Variants in NAALADL2 observed in about 807,000 individuals in gnomAD.
NAALADL2 encodes inactive N-acetylated-alpha-linked acidic dipeptidase-like protein 2.
NAALADL2 carries 76 observed loss-of-function variants against 87.2 expected under a neutral mutation model. That is an observed-to-expected ratio of 0.87 (90% CI 0.72 to 1.05). The LOEUF is 1.05. Ranked by LOEUF, NAALADL2 falls within the 50% of genes least tolerant of loss-of-function variation. The probability of loss-of-function intolerance (pLI) is 0.00; values close to 1 mark genes in which losing one functional copy is unlikely to be tolerated. For synonymous variants in NAALADL2, 354 were observed against 331.0 expected (o/e 1.07, Z -0.75); for missense variants, 1,089 against 945.8 (o/e 1.15, Z -1.99).
At chr3:175,036,360 T>C (rs1304139030) in intron 1 of NAALADL2, among the ~76,000 whole-genome samples, 1 of 152,110 alleles carries the variant, frequency 6.6e-6, no homozygotes, top group Admixed American at 6.6e-5. Flanking sequence ...GCATGTTTTG[T>C]TTTACAAAAT....
intron 1 of NAALADL2, among the ~76,000 whole-genome samples, chr3:174,907,833 G>T (rs1052591661): frequency 6.6e-6 from 1 of 151,978 alleles, no homozygotes; most frequent in East Asian, 1.9e-4. Flanking sequence ...AAAGTTCCCT[G>T]CCTAAAGAGC....
intron 3 of NAALADL2, among the ~76,000 whole-genome samples, chr3:174,803,188 G>T (rs1190686745): frequency 1.3e-5 from 2 of 152,086 alleles, no homozygotes; most frequent in Non-Finnish European, 2.9e-5. Flanking sequence ...ACATGAGATG[G>T]TATCTCATTG....
intron 5 of NAALADL2, among the ~76,000 whole-genome samples, chr3:175,446,593 T>C (rs1283078781): frequency 5.3e-5 from 8 of 152,290 alleles, no homozygotes; most frequent in African/African-American, 9.6e-5. Flanking sequence ...GGTGTCTCCC[T>C]GTTCACTCTC....
At chr3:175,584,458 A>T (rs1407238426) in intron 10 of NAALADL2, among the ~76,000 whole-genome samples, 2 of 152,178 alleles carry the variant, frequency 1.3e-5, no homozygotes, top group Non-Finnish European at 1.5e-5. Context: ...CTATCACCAG[A>T]TTTCTGGACT....
At chr3:174,682,307 A>C (rs1217490878) in intron 2 of NAALADL2, among the ~76,000 whole-genome samples, 1 of 152,204 alleles carries the variant, frequency 6.6e-6, no homozygotes, top group African/African-American at 2.4e-5. Context: ...GCATCTCTGC[A>C]TTCATGTAGG....
At chr3:175,500,568 A>C (rs563086304) in intron 9 of NAALADL2, among the ~76,000 whole-genome samples, 2 of 152,048 alleles carry the variant, frequency 1.3e-5, no homozygotes, top group African/African-American at 4.8e-5. Context: ...GCTACAAAAA[A>C]CAAGGTAAAA....
intron 1 of NAALADL2, among the ~76,000 whole-genome samples, chr3:175,083,452 A>G (rs1237631041): frequency 1.3e-5 from 2 of 152,208 alleles, no homozygotes; most frequent in African/African-American, 4.8e-5. Context: ...ATAATAAAAT[A>G]TTAATAACTA....
chr3:175,249,588 G>C, intron 3 of NAALADL2, among the ~76,000 whole-genome samples: 1 of 151,906 alleles, frequency 6.6e-6, no homozygotes. Context: ...AATGAATATA[G>C]AGTACTCTTC....
chr3:174,775,697 A>C (rs1186201488), intron 3 of NAALADL2, among the ~76,000 whole-genome samples: 1 of 152,132 alleles, frequency 6.6e-6, no homozygotes, highest in Non-Finnish European at 1.5e-5. Flanking sequence ...AAGGTTGTCC[A>C]CTGGAGGAAT....
intron 3 of NAALADL2, among the ~76,000 whole-genome samples, chr3:174,782,734 T>C (rs892404826): frequency 1.3e-5 from 2 of 152,062 alleles, no homozygotes; most frequent in African/African-American, 4.8e-5. Context: ...CTTCTTCACA[T>C]GTTGGCGAGA....
At chr3:174,789,951 G>A (rs193271696) in intron 3 of NAALADL2, among the ~76,000 whole-genome samples, 22 of 152,276 alleles carry the variant, frequency 1.4e-4, no homozygotes, top group South Asian at 1.0e-3. Context: ...CCAACAGGGC[G>A]TTATCATGCT....
intron 3 of NAALADL2, among the ~76,000 whole-genome samples, chr3:175,255,776 G>A (rs1248378432): frequency 6.6e-6 from 1 of 152,134 alleles, no homozygotes; most frequent in Non-Finnish European, 1.5e-5. Flanking sequence ...GAGGTCAAAT[G>A]TAACTCTAGG....
At chr3:175,483,547 A>G (rs113684907) in intron 9 of NAALADL2, among the ~76,000 whole-genome samples, 4,547 of 151,968 alleles carry the variant, frequency 0.03, 228 homozygotes, top group African/African-American at 0.1. Context: ...ACCTCAAGTC[A>G]GCCATGCTCA....
intron 11 of NAALADL2, among the ~76,000 whole-genome samples, chr3:175,700,940 T>C (rs1340178906): frequency 6.6e-6 from 1 of 152,062 alleles, no homozygotes; most frequent in African/African-American, 2.4e-5. Context: ...TTTAGGATGC[T>C]CTAGGCTGGG....
chr3:174,997,590 C>T (rs550435087), intron 1 of NAALADL2, among the ~76,000 whole-genome samples: 7 of 152,116 alleles, frequency 4.6e-5, no homozygotes, highest in African/African-American at 1.4e-4. Context: ...TTTGGGAGGC[C>T]AAGGCGGGTG....
intron 3 of NAALADL2, among the ~76,000 whole-genome samples, chr3:174,814,907 T>C (rs2109308400): frequency 6.6e-6 from 1 of 152,316 alleles, no homozygotes; most frequent in African/African-American, 2.4e-5. Flanking sequence ...TCAAAATTTT[T>C]ATGCTGTAGG....
intron 1 of NAALADL2, among the ~76,000 whole-genome samples, chr3:174,890,505 A>G (rs1456301403): frequency 6.6e-6 from 1 of 152,206 alleles, no homozygotes; most frequent in Non-Finnish European, 1.5e-5. Flanking sequence ...AGAGGCAAAA[A>G]GAAGTATTTT....
chr3:175,348,531 G>A (rs1411747874), intron 5 of NAALADL2, among the ~76,000 whole-genome samples: 1 of 152,112 alleles, frequency 6.6e-6, no homozygotes, highest in Admixed American at 6.6e-5. Context: ...GCAGGGCCAT[G>A]TTCCCCCTGA....
At chr3:174,824,157 T>C (rs1721731268) in intron 3 of NAALADL2, among the ~76,000 whole-genome samples, 1 of 152,186 alleles carries the variant, frequency 6.6e-6, no homozygotes, top group African/African-American at 2.4e-5. Flanking sequence ...TAGCTGAGTG[T>C]AATTTTATTT....
Sources: allele counts gnomAD v4.1 joint callset (sites outside exome capture counted in the v4.1 genomes callset), GRCh38; gene constraint gnomAD v4.1.1; transcripts MANE v1.5; gene names NCBI Gene and HGNC (gene_info 2026-07-23, HGNC 2026-07-21).